The following GSC2 variants were observed in gnomAD, a reference collection of about 807,000 sequenced individuals.
GSC2 encodes the protein goosecoid homeobox 2.
In GSC2, 12 loss-of-function variants were observed where a neutral mutation model predicts 11.3. The ratio of observed to expected loss-of-function variants is 1.06; its 90% CI spans 0.68 to 1.72. GSC2 has a LOEUF of 1.72. GSC2 is among the 40% of genes most tolerant of loss of function. The pLI, the probability that GSC2 is intolerant of heterozygous loss-of-function variation, is 0.00. For missense variants in GSC2, 310 were observed against 235.7 expected (o/e 1.32, Z -2.06); for synonymous variants, 148 against 110.0 (o/e 1.35, Z -2.16).
In GSC2 at chr22:19,150,105, TCGGGCGCCC is replaced by T. The variant is rs1569120091; in HGVS notation, c.170_178del (p.Gly57_Pro59del). 1.0e-6 allele frequency: 1 copy of T among 997,082 alleles called. No homozygotes were observed. Among genetic ancestry groups the T allele is most frequent in the African/African-American group, 1.8e-5 (1 of 56,592 alleles). 61.8% of individuals were successfully genotyped at this position (997,082 alleles called of 1,614,324 possible). On this transcript the variant is annotated inframe_deletion, in exon 1 of 3. Transcript: ENST00000086933. ...GCAGCAGCAGGCGCAGGGCGCAGCC[TCGGGCGCCC>T]CGGGCTCCTCTGGCTTCGCGGGGCT...
chr22:19,149,142 C>T, intron 2 of GSC2, 47 bp from the exon 3 acceptor site: 1 of 1,181,368 alleles, frequency 8.5e-7, no homozygotes, highest in African/African-American at 1.6e-5. Flanking sequence ...TCCTGCGTCC[C>T]ACCGGCTCCC....
chr22:19,147,695 AG>A lies in GSC2; in HGVS notation c.*1295del, dbSNP rs1555917631. ...GATGCTAGGGACACCCAGCAGTGTC[AG>A]GGCAGTTCTGACTGGGGACACCATG... On this transcript the variant is annotated 3_prime_UTR_variant, in exon 3 of 3. Coordinates refer to ENST00000086933, the MANE Select transcript of GSC2 (RefSeq NM_005315.2). Among the ~76,000 whole-genome samples the A allele has an allele frequency of 2.6e-5, 4 of 152,130 alleles. No individual in the cohort carries two copies. Among genetic ancestry groups the A allele is most frequent in the Non-Finnish European group, 5.9e-5 (4 of 67,974 alleles).
In GSC2 at chr22:19,149,784, G is replaced by C. The variant is rs1555918078; in HGVS notation, c.392C>G (p.Thr131Ser). 2 of 1,591,228 alleles carry C rather than the reference G, an allele frequency of 1.3e-6. No homozygotes were observed. The highest frequency in any genetic ancestry group is 2.3e-5 in the South Asian group (2 of 88,258). Residue 131 changes from threonine to serine, a missense_variant, in exon 2 of 3, where the codon ACC becomes AGC. Physicochemically the swap from Thr to Ser is moderately conservative, Grantham distance 58 (BLOSUM62 1). Transcript: ENST00000086933. Reference protein sequence around the residue: ...GSQRRTRRHRTIFSEEQLQAL... With the variant: ...GSQRRTRRHRSIFSEEQLQAL... ...CTGCAGCTGCTCTTCGCTGAAGATG[G>C]TGCGGTGGCGCCTCGTGCGCCGCTG... is the stretch of plus-strand genomic sequence containing the variant.
chr22:19,150,069 G>C lies in GSC2; in HGVS notation c.215C>G (p.Pro72Arg), dbSNP rs1351939545. The C allele has an allele frequency of 2.7e-5, 27 of 999,514 alleles. No individual in the cohort carries two copies. Among genetic ancestry groups the C allele is most frequent in the Middle Eastern group, 5.0e-4 (1 of 2,006 alleles). 61.9% of individuals were successfully genotyped at this position (999,514 alleles called of 1,614,324 possible). ...APCACCCCCG[P>R]RAAPCGPPEA... ...TGGGGGCCCGCAGGGCGCCGCGCGG[G>C]GGCCGCAGCAGCAGCAGCAGGCGCA... The change falls in exon 1 of 3, where the codon CCC becomes CGC. Residue 72 changes from proline (P) to arginine (R), a missense_variant. Pro to Arg is a moderately radical substitution (Grantham distance 103). Transcript: ENST00000086933.
At position 19,148,040 on chromosome 22, in the gene GSC2, C is replaced by G. The variant is rs1433651103; in HGVS notation, c.*951G>C. 6.6e-6 allele frequency among the ~76,000 whole-genome samples: 1 copy of G among 152,178 alleles called. No individual in the cohort carries two copies. The highest frequency in any genetic ancestry group is 1.5e-5 in the Non-Finnish European group (1 of 68,014). The stretch of plus-strand genomic sequence containing the variant: ...AGGGGCGGGGTCTCCCCAGTCCAAC[C>G]TCCTCTTGCCCTACCCTAGGATGGC... On this transcript the variant is annotated 3_prime_UTR_variant, in exon 3 of 3. Coordinates refer to ENST00000086933, the MANE Select transcript of GSC2 (RefSeq NM_005315.2).
At position 19,149,924 on chromosome 22, in the gene GSC2, G is replaced by C; in HGVS notation, c.260-8C>G. On this transcript the variant is annotated splice_polypyrimidine_tract_variant and splice_region_variant and intron_variant, in intron 1 of 2. Coordinates refer to ENST00000086933, the MANE Select transcript of GSC2 (RefSeq NM_005315.2). ...GCCACGCCAGACGAGCGCCTGCGGA[G>C]CGAGGGCGCGGTGAGGCGCGGGGCT... The C allele has an allele frequency of 3.0e-6, 4 of 1,324,094 alleles. No individual in the cohort carries two copies. The highest frequency in any genetic ancestry group is 3.8e-6 in the Non-Finnish European group (4 of 1,042,230). The allele number at this position is 1,324,094 out of a possible 1,614,324, so 82.0% of individuals were successfully genotyped here.
rs1322591485 is a variant in GSC2 at position 19,147,551 on chromosome 22, C to CA, written c.*1439dup. Among the ~76,000 whole-genome samples, 1 of 152,166 alleles carries CA rather than the reference C, an allele frequency of 6.6e-6. No homozygotes were observed. Among genetic ancestry groups the CA allele is most frequent in the Non-Finnish European group, 1.5e-5 (1 of 68,020 alleles). Reference sequence around the variant, plus strand: ...GGAGCCTGTGAGATGCGAGTGTCCCCAGCTGCAAGGGAGCTGACTGGGACA... The same window carrying CA: ...GGAGCCTGTGAGATGCGAGTGTCCCCAAGCTGCAAGGGAGCTGACTGGGACA... On this transcript the variant is annotated 3_prime_UTR_variant, in exon 3 of 3. Coordinates refer to ENST00000086933, the MANE Select transcript of GSC2 (RefSeq NM_005315.2).
Position 19,147,890 on chromosome 22 carries a change from G to T in GSC2, c.*1101C>A, listed in dbSNP as rs111878049. On this transcript the variant is annotated 3_prime_UTR_variant, in exon 3 of 3. Coordinates refer to ENST00000086933, the MANE Select transcript of GSC2 (RefSeq NM_005315.2). The stretch of plus-strand genomic sequence containing the variant: ...AACGAGGTGCTCAAGCCAGCTGGGG[G>T]TGGGGATGTGAGATGCTTTGGACCC... 1.3e-5 allele frequency among the ~76,000 whole-genome samples: 2 copies of T among 152,146 alleles called. No homozygotes were observed. Among genetic ancestry groups the T allele is most frequent in the African/African-American group, 2.4e-5 (1 of 41,440 alleles).
Position 19,150,225 on chromosome 22 carries a change from A to G in GSC2, c.59T>C (p.Phe20Ser). 3.0e-6 allele frequency: 1 copy of G among 337,030 alleles called. No individual in the cohort carries two copies. The highest frequency in any genetic ancestry group is 5.5e-5 in the South Asian group (1 of 18,112). 20.9% of individuals were successfully genotyped at this position (337,030 alleles called of 1,614,324 possible). A position where few individuals can be genotyped will look rare whatever the true frequency, so the allele number is the denominator to read the frequency against. ...GCTGGAGAGGATGTGCTCGATGGAG[A>G]AGGGGCAGGGCCGCCCGGCACCCCG... ...SRRGAGRPCP[F>S]SIEHILSSLP... Residue 20 changes from phenylalanine (F) to serine (S), a missense_variant, in exon 1 of 3, where the codon TTC (phenylalanine) becomes TCC (serine). Physicochemically the swap from Phe to Ser is radical, Grantham distance 155 (BLOSUM62 -2). Coordinates refer to ENST00000086933, the MANE Select transcript of GSC2 (RefSeq NM_005315.2).
At chr22:19,149,578 TG>T in intron 2 of GSC2, 84 bp downstream of exon 2, 1 of 1,363,446 alleles carries the variant, frequency 7.3e-7, no homozygotes, top group South Asian at 1.6e-5. Flanking sequence ...AGGCCGTCTT[TG>T]CAAAGGGCGC....
rs782491793 is a variant in GSC2 at position 19,147,262 on chromosome 22, G to A, written c.*1729C>T. On this transcript the variant is annotated 3_prime_UTR_variant, in exon 3 of 3. Coordinates refer to ENST00000086933, the MANE Select transcript of GSC2 (RefSeq NM_005315.2). ...GCTTGAGATGTAAATGTGGCAGAAA[G>A]ATGGGAATTGGAGTCTGAGGGTAAA... Among the ~76,000 whole-genome samples, 1 of 152,178 alleles carries A rather than the reference G, an allele frequency of 6.6e-6. No homozygotes were observed. The highest frequency in any genetic ancestry group is 2.1e-4 in the South Asian group (1 of 4,826).
intron 2 of GSC2, among the ~76,000 whole-genome samples, chr22:19,149,315 C>T (rs1171583718): frequency 6.6e-6 from 1 of 152,228 alleles, no homozygotes; most frequent in East Asian, 1.9e-4. Context: ...TAGTACCCGC[C>T]CCAGCCTCCA....
intron 2 of GSC2, 59 bp downstream of exon 2, chr22:19,149,604 C>G (rs1319744797): frequency 1.3e-5 from 19 of 1,448,298 alleles, no homozygotes; most frequent in Non-Finnish European, 1.7e-5. Context: ...CCGCCAGGAC[C>G]CCAGTCCAGT....
In GSC2 at chr22:19,148,888, G is replaced by A; in HGVS notation, c.*103C>T. 1.5e-6 allele frequency: 1 copy of A among 681,948 alleles called. No homozygotes were observed. Among genetic ancestry groups the A allele is most frequent in the Non-Finnish European group, 2.5e-6 (1 of 400,646 alleles). 42.2% of individuals were successfully genotyped at this position (681,948 alleles called of 1,614,324 possible). A position where few individuals can be genotyped will look rare whatever the true frequency, so the allele number is the denominator to read the frequency against. On this transcript the variant is annotated 3_prime_UTR_variant, in exon 3 of 3. Coordinates refer to ENST00000086933, the MANE Select transcript of GSC2 (RefSeq NM_005315.2). The stretch of plus-strand genomic sequence containing the variant: ...CTGTGGAGACGGGTGGAGGCGGCCG[G>A]TGTACTCTCCCAGCTCCTTTTCGGG...
Position 19,148,028 on chromosome 22 carries a change from C to T in GSC2, c.*963G>A, listed in dbSNP as rs782807117. ...TTCCCAGGCAGCAGGGGCGGGGTCT[C>T]CCCAGTCCAACCTCCTCTTGCCCTA... On this transcript the variant is annotated 3_prime_UTR_variant, in exon 3 of 3. Transcript: ENST00000086933. Among the ~76,000 whole-genome samples the T allele has an allele frequency of 3.3e-5, 5 of 152,134 alleles. No individual in the cohort carries two copies. The highest frequency in any genetic ancestry group is 5.9e-5 in the Non-Finnish European group (4 of 68,002).
chr22:19,149,832 G>C lies in GSC2; in HGVS notation c.344C>G (p.Pro115Arg), dbSNP rs201999846. The change falls in exon 2 of 3, where the codon CCG (proline) becomes CGG (arginine). Residue 115 changes from proline (P) to arginine (R), a missense_variant. By Grantham distance (103) the Pro-to-Arg change is moderately radical (BLOSUM62 -2). Coordinates refer to ENST00000086933, the MANE Select transcript of GSC2 (RefSeq NM_005315.2). ...CTGCGAACCCGGGCCGACCGCGCCC[G>C]GGAGCGCCCCGGAACCTCCGGCTGG... Reference protein sequence around the residue: ...GAPAGGSGALPGAVGPGSQRR... With the variant: ...GAPAGGSGALRGAVGPGSQRR... 12 of 1,553,204 alleles carry C rather than the reference G, an allele frequency of 7.7e-6. No homozygotes were observed. The highest frequency in any genetic ancestry group is 1.0e-5 in the Non-Finnish European group (12 of 1,153,968).
In GSC2 at chr22:19,149,038, C is replaced by A; in HGVS notation, c.571G>T (p.Ala191Ser). The A allele has an allele frequency of 6.2e-7, 1 of 1,602,168 alleles. No homozygotes were observed. The highest frequency in any genetic ancestry group is 8.5e-7 in the Non-Finnish European group (1 of 1,174,708). ...TTCTTGACGCCGGGCAGGAGCCTCG[C>A]GGAAGCCGACGCGCGCTTCTGGTGT... ...WRHQKRASASARLLPGVKKSP... is the reference protein window; with the variant it reads ...WRHQKRASASSRLLPGVKKSP... The change falls in exon 3 of 3, where the codon GCG becomes TCG. Residue 191 changes from alanine to serine, a missense_variant. Coordinates refer to ENST00000086933, the MANE Select transcript of GSC2 (RefSeq NM_005315.2).
chr22:19,149,227 G>A, intron 2 of GSC2, 132 bp from the exon 3 acceptor site: 2 of 582,726 alleles, frequency 3.4e-6, no homozygotes, highest in Non-Finnish European at 5.9e-6. Flanking sequence ...GCCGACACCC[G>A]GGCCGCGGCT....
rs1450401851 is a variant in GSC2 at position 19,147,521 on chromosome 22, G to A, written c.*1470C>T. Among the ~76,000 whole-genome samples, 2 of 152,176 alleles carry A rather than the reference G, an allele frequency of 1.3e-5. No individual in the cohort carries two copies. Among genetic ancestry groups the A allele is most frequent in the Non-Finnish European group, 1.5e-5 (1 of 68,032 alleles). On this transcript the variant is annotated 3_prime_UTR_variant, in exon 3 of 3. Transcript: ENST00000086933. Reference sequence around the variant, plus strand: ...GGCCATTCAACCAAGGAACTCAAGGGGCCTGGAGCCTGTGAGATGCGAGTG... The same window carrying A: ...GGCCATTCAACCAAGGAACTCAAGGAGCCTGGAGCCTGTGAGATGCGAGTG...
Sources: gnomAD v4.1 joint callset for allele counts (sites outside exome capture counted in the v4.1 genomes callset) on GRCh38, gnomAD v4.1.1 for gene constraint, MANE v1.5 for transcripts, NCBI Gene and HGNC (gene_info 2026-07-23, HGNC 2026-07-21) for gene names.